The following KLHL5 variants were observed in gnomAD, a reference collection of about 807,000 sequenced individuals.
The protein encoded by KLHL5 is kelch-like protein 5.
A neutral mutation model predicts 77.7 loss-of-function variants in KLHL5; 48 were observed. The observed-to-expected ratio is 0.62, with a 90% CI of 0.49 to 0.79. The LOEUF is 0.79. Among genes scored for constraint, KLHL5 ranks in the 30% least tolerant of loss-of-function variants. The pLI is 0.00. For synonymous variants in KLHL5, 260 were observed against 297.0 expected (o/e 0.88, Z 1.28); for missense variants, 723 against 859.7 (o/e 0.84, Z 1.99).
intron 1 of KLHL5, among the ~76,000 whole-genome samples, chr4:39,049,540 A>G (rs1716469076): frequency 6.6e-6 from 1 of 151,958 alleles, no homozygotes; most frequent in African/African-American, 2.4e-5. Context: ...AAATAAAATT[A>G]GCTGGGTGTA....
In KLHL5 at chr4:39,055,790, A is replaced by T. The variant is rs144934170; in HGVS notation, c.-94-6769A>T. 2.1e-3 allele frequency among the ~76,000 whole-genome samples: 325 copies of T among 152,220 alleles called. 1 individual carries two copies. The highest frequency in any genetic ancestry group is 7.1e-3 in the African/African-American group (295 of 41,530). ...TATGCATTCTGTGTGTATCTTCGTC[A>T]TGCTGTATTATAATTTTTAAATTTA... On this transcript the variant is annotated intron_variant, in intron 1 of 11. Transcript: ENST00000261425.
At chr4:39,077,452 A>G (rs1421682701) in intron 2 of KLHL5, among the ~76,000 whole-genome samples, 1 of 151,162 alleles carries the variant, frequency 6.6e-6, no homozygotes, top group Non-Finnish European at 1.5e-5. Context: ...ACAGAGCAAG[A>G]CTCCGTCTCA....
At chr4:39,120,981 TC>T (rs777351490) in intron 10 of KLHL5, 28 bp from the exon 11 acceptor site, 1 of 1,571,900 alleles carries the variant, frequency 6.4e-7, no homozygotes, top group South Asian at 1.1e-5. Flanking sequence ...AACCTACAGA[TC>T]CAATACATAT....
chr4:39,102,498 A>G (rs1721669103), intron 6 of KLHL5, among the ~76,000 whole-genome samples: 1 of 103,436 alleles, frequency 9.7e-6, no homozygotes, highest in Admixed American at 1.1e-4. Flanking sequence ...GCCCTTGCTT[A>G]TTGCAGTAGA....
intron 1 of KLHL5, among the ~76,000 whole-genome samples, chr4:39,070,749 A>T (rs574024267): frequency 5.9e-5 from 9 of 152,328 alleles, no homozygotes; most frequent in African/African-American, 2.2e-4. Context: ...AAAACGCCCT[A>T]TAAATTTCCA....
chr4:39,114,689 GA>G (rs1436359353), intron 9 of KLHL5, among the ~76,000 whole-genome samples: 1 of 152,192 alleles, frequency 6.6e-6, no homozygotes, highest in Non-Finnish European at 1.5e-5. Context: ...ACACTCAGTG[GA>G]AAGCTGTTCA....
chr4:39,044,885 G>T (rs1358133866), upstream of KLHL5: 7 of 957,818 alleles, frequency 7.3e-6, no homozygotes, highest in African/African-American at 1.2e-4. Flanking sequence ...CGGGGACTCT[G>T]ACCCCCCGGC....
chr4:39,081,883 C>A lies in KLHL5; in HGVS notation c.704-80C>A. On this transcript the variant is annotated intron_variant, in intron 3 of 10. Coordinates refer to ENST00000504108, the MANE Select transcript of KLHL5 (RefSeq NM_015990.5). This position sits in a 1 kb window ranked among gnomAD's most constrained non-coding sequence, Gnocchi z 4.3. ...CATGTAATGAGCTCTTATATGGAAC[C>A]ACTACTGTTAACATCAATTATTTTA... 9.8e-7 allele frequency: 1 copy of A among 1,017,168 alleles called. No individual in the cohort carries two copies. Among genetic ancestry groups the A allele is most frequent in the Non-Finnish European group, 1.4e-6 (1 of 714,826 alleles). The allele number at this position is 1,017,168 out of a possible 1,614,324, so 63.0% of individuals were successfully genotyped here.
intron 2 of KLHL5, among the ~76,000 whole-genome samples, chr4:39,079,927 T>C (rs951110845): frequency 1.3e-5 from 2 of 152,134 alleles, no homozygotes; most frequent in Non-Finnish European, 2.9e-5. Context: ...AAATGAAAAT[T>C]GAAACAACAA....
At chr4:39,117,926 T>G (rs1322046079) in intron 10 of KLHL5, among the ~76,000 whole-genome samples, 2 of 151,858 alleles carry the variant, frequency 1.3e-5, no homozygotes, top group Non-Finnish European at 2.9e-5. Context: ...AATACAAAAA[T>G]TAATGCTCCT....
At chr4:39,065,064 G>A (rs1048806582) in intron 1 of KLHL5, among the ~76,000 whole-genome samples, 6 of 152,026 alleles carry the variant, frequency 3.9e-5, no homozygotes, top group African/African-American at 1.2e-4. Flanking sequence ...TAATATTTTG[G>A]ATGGTTTGAA....
At chr4:39,115,379 C>G (rs755178884) in intron 10 of KLHL5, 49 bp downstream of exon 10, 1 of 1,605,964 alleles carries the variant, frequency 6.2e-7, no homozygotes, top group Non-Finnish European at 8.5e-7. Context: ...TTTATTAAAA[C>G]AATTCTTATG....
chr4:39,094,613 A>G (rs1282269485), intron 5 of KLHL5, among the ~76,000 whole-genome samples: 1 of 151,974 alleles, frequency 6.6e-6, no homozygotes, highest in Non-Finnish European at 1.5e-5. Flanking sequence ...TATGCTATAA[A>G]GACACTGTAA....
intron 2 of KLHL5, among the ~76,000 whole-genome samples, chr4:39,078,050 C>T (rs1719244979): frequency 6.6e-6 from 1 of 152,160 alleles, no homozygotes; most frequent in African/African-American, 2.4e-5. Flanking sequence ...CATATGTTCT[C>T]TCTCATAAGT....
rs1330551401 is a variant in KLHL5 at position 39,121,304 on chromosome 4, C to G, written c.*238C>G. 3.8e-6 allele frequency: 2 copies of G among 533,092 alleles called. No homozygotes were observed. The highest frequency in any genetic ancestry group is 6.7e-6 in the Non-Finnish European group (2 of 297,536). 33.0% of individuals were successfully genotyped at this position (533,092 alleles called of 1,614,324 possible). On this transcript the variant is annotated 3_prime_UTR_variant, in exon 11 of 11. Transcript: ENST00000504108. ...CTGGTGGATTGTGATCACACATTCC[C>G]GAAGTAATAAGTGAGGACGAATGCA...
chr4:39,120,923 C>G, intron 10 of KLHL5, 87 bp from the exon 11 acceptor site: 1 of 1,032,432 alleles, frequency 9.7e-7, no homozygotes, highest in South Asian at 1.3e-5. Context: ...CCAACAAGTA[C>G]AGGCTGTTTC....
chr4:39,064,888 T>C (rs538649570), intron 1 of KLHL5, among the ~76,000 whole-genome samples: 3 of 152,188 alleles, frequency 2.0e-5, no homozygotes, highest in Non-Finnish European at 2.9e-5. Context: ...ATAAATGAAG[T>C]TGTTTAAAAA....
chr4:39,063,105 G>T, intron 1 of KLHL5, 70 bp downstream of exon 1: 1 of 1,089,916 alleles, frequency 9.2e-7, no homozygotes, highest in Non-Finnish European at 1.3e-6. Context: ...AAATAATTTA[G>T]TATTTATTAT....
At position 39,062,841 on chromosome 4, in the gene KLHL5, G is replaced by A. The variant is rs757516933; in HGVS notation, c.189G>A (p.Leu63=). The change falls in exon 1 of 11, where the codon TTG becomes TTA. Residue 63 remains leucine (L), a synonymous_variant. Coordinates refer to ENST00000504108, the MANE Select transcript of KLHL5 (RefSeq NM_015990.5). ...ATCCATGTAGCCTACAATTGCCTTT[G>A]GCTTCAATTGGTTACCGAAGGTCCA... is the stretch of plus-strand genomic sequence containing the variant. ...FLDPCSLQLP[L]ASIGYRRSSQ... is the part of the protein sequence containing the mutation. 6.2e-7 allele frequency: 1 copy of A among 1,614,084 alleles called. No individual in the cohort carries two copies. The highest frequency in any genetic ancestry group is 1.7e-5 in the Admixed American group (1 of 60,004).
Sources: gnomAD v4.1 joint callset for allele counts (sites outside exome capture counted in the v4.1 genomes callset) on GRCh38, gnomAD v4.1.1 for gene constraint, Gnocchi (gnomAD v3.1) non-coding constraint, MANE v1.5 for transcripts, NCBI Gene and HGNC (gene_info 2026-07-23, HGNC 2026-07-21) for gene names.